Variants in BIRC6 observed in about 807,000 individuals in gnomAD.
BIRC6 encodes baculoviral IAP repeat containing 6, also known as dual E2 ubiquitin-conjugating enzyme/E3 ubiquitin-protein ligase BIRC6.
BIRC6 carries 98 observed loss-of-function variants against 503.3 expected under a neutral mutation model. That is an observed-to-expected ratio of 0.19 (90% CI 0.17 to 0.23). The LOEUF is 0.23. Among genes scored for constraint, BIRC6 ranks in the 10% least tolerant of loss-of-function variants. The pLI is 1.00. For synonymous variants in BIRC6, 2,240 were observed against 2,078.7 expected (o/e 1.08, Z -2.11); for missense variants, 5,360 against 5,806.0 (o/e 0.92, Z 2.50).
rs1462254676 is a variant in BIRC6, at chr2:32,471,074, A to G, written c.6542A>G (p.Tyr2181Cys). 5.7e-6 allele frequency: 9 copies of G among 1,583,702 alleles called. No homozygotes were observed. The highest frequency in any genetic ancestry group is 7.7e-6 in the Non-Finnish European group (9 of 1,162,960). Residue 2181 changes from tyrosine to cysteine, a missense_variant, in exon 32 of 74, where the codon TAT becomes TGT. By Grantham distance (194) the Tyr-to-Cys change is radical. Coordinates refer to ENST00000421745, the MANE Select transcript of BIRC6 (RefSeq NM_016252.4). ...VVMLVSRLLDYVATVEDEAAA... is the reference protein window; with the variant it reads ...VVMLVSRLLDCVATVEDEAAA... ...ATGCTGGTGTCCAGGTTGCTGGATT[A>G]TGTGGCAACTGTTGAAGATGAAGCA...
chr2:32,438,714 C>T (rs1261804265), intron 15 of BIRC6, among the ~76,000 whole-genome samples: 2 of 151,670 alleles, frequency 1.3e-5, no homozygotes, highest in African/African-American at 4.9e-5. Flanking sequence ...CGCCCGCCAC[C>T]ACGCCCCACT....
chr2:32,452,178 T>C (rs984828984), intron 22 of BIRC6, among the ~76,000 whole-genome samples: 3 of 152,184 alleles, frequency 2.0e-5, no homozygotes, highest in African/African-American at 7.2e-5. Flanking sequence ...CACCCACTTC[T>C]GCTAAAACAA....
chr2:32,399,790 A>G (rs929894279), intron 6 of BIRC6, among the ~76,000 whole-genome samples: 1 of 151,274 alleles, frequency 6.6e-6, no homozygotes, highest in Non-Finnish European at 1.5e-5. Context: ...TAAATTTTTA[A>G]ATTTTTTATT....
At chr2:32,463,892 A>T (rs1475303557) in intron 24 of BIRC6, among the ~76,000 whole-genome samples, 1 of 152,152 alleles carries the variant, frequency 6.6e-6, no homozygotes, top group Non-Finnish European at 1.5e-5. Flanking sequence ...GCACCACCTG[A>T]GCTCCATCTC....
At chr2:32,518,990 G>A in intron 57 of BIRC6, 44 bp downstream of exon 57, 5 of 1,552,798 alleles carry the variant, frequency 3.2e-6, no homozygotes, top group Non-Finnish European at 4.4e-6. Context: ...CTTTATGTTT[G>A]ATGTATATGG....
At chr2:32,570,292 T>C (rs1463222066) in intron 65 of BIRC6, among the ~76,000 whole-genome samples, 2 of 152,142 alleles carry the variant, frequency 1.3e-5, no homozygotes, top group East Asian at 1.9e-4. Flanking sequence ...TTTTTTGTTG[T>C]TTATTTTTTA....
In BIRC6 at chr2:32,357,635, T is replaced by G. The variant is rs1573592919; in HGVS notation, c.325+149T>G. ...CCGTGAAGGGAGGCCCGGAAGCTGATGGAGGGGGACCTTAGGACTTGGCTT... is the reference window on the plus strand; with the variant it reads ...CCGTGAAGGGAGGCCCGGAAGCTGAGGGAGGGGGACCTTAGGACTTGGCTT... On this transcript the variant is annotated intron_variant, in intron 1 of 73. Coordinates refer to ENST00000421745, the MANE Select transcript of BIRC6 (RefSeq NM_016252.4). This position sits in a 1 kb window ranked among gnomAD's most constrained non-coding sequence, Gnocchi z 4.9. 2.2e-6 allele frequency: 3 copies of G among 1,381,334 alleles called. No homozygotes were observed. Among genetic ancestry groups the G allele is most frequent in the Admixed American group, 6.1e-5 (2 of 32,980 alleles). 85.6% of individuals were successfully genotyped at this position (1,381,334 alleles called of 1,614,324 possible). A position where few individuals can be genotyped will look rare whatever the true frequency, so the allele number is the denominator to read the frequency against.
At chr2:32,524,766 C>A in intron 57 of BIRC6, 122 bp from the exon 58 acceptor site, 1 of 670,570 alleles carries the variant, frequency 1.5e-6, no homozygotes, top group Non-Finnish European at 2.2e-6. Flanking sequence ...CTCCTAAATT[C>A]CTTTATATTG....
chr2:32,502,526 A>G (rs1013149006), intron 47 of BIRC6, among the ~76,000 whole-genome samples: 4 of 152,182 alleles, frequency 2.6e-5, no homozygotes, highest in African/African-American at 4.8e-5. Flanking sequence ...AAATGGTTCA[A>G]ATTTTAAATG....
intron 22 of BIRC6, chr2:32,449,306 A>G (rs62136301): frequency 0.18 from 29,018 of 159,586 alleles, 2,783 homozygotes; most frequent in Admixed American, 0.26. Flanking sequence ...TCAAAAATAC[A>G]AAATTAGTAA....
At chr2:32,438,725 A>C (rs2045044972) in intron 15 of BIRC6, among the ~76,000 whole-genome samples, 1 of 150,974 alleles carries the variant, frequency 6.6e-6, no homozygotes. Context: ...ACGCCCCACT[A>C]ATTTTTTTTT....
At chr2:32,490,298 A>T in intron 43 of BIRC6, 147 bp downstream of exon 43, 1 of 657,898 alleles carries the variant, frequency 1.5e-6, no homozygotes. Context: ...CTGTAAACCC[A>T]GCACTTTGGG....
At chr2:32,541,889 A>G (rs1481817227) in intron 61 of BIRC6, among the ~76,000 whole-genome samples, 3 of 152,144 alleles carry the variant, frequency 2.0e-5, no homozygotes, top group Non-Finnish European at 4.4e-5. Context: ...ACTCTGTACT[A>G]TAAACTGCAA....
At position 32,465,055 on chromosome 2, in the gene BIRC6, C is replaced by A; in HGVS notation, c.5257-10C>A. ...TATAAAGTTAGATTTTTTTTTTTTC[C>A]CTGCTCTAGAATCCACTTGGTTCTG... is the stretch of plus-strand genomic sequence containing the variant. On this transcript the variant is annotated splice_polypyrimidine_tract_variant and intron_variant, in intron 25 of 73. Transcript: ENST00000421745. The A allele has an allele frequency of 6.6e-7, 1 of 1,525,016 alleles. No individual in the cohort carries two copies. The highest frequency in any genetic ancestry group is 8.9e-7 in the Non-Finnish European group (1 of 1,125,966). 94.5% of individuals were successfully genotyped at this position (1,525,016 alleles called of 1,614,324 possible). A position where few individuals can be genotyped will look rare whatever the true frequency, so the allele number is the denominator to read the frequency against.
Position 32,499,617 on chromosome 2 carries a change from A to G in BIRC6, c.8539A>G (p.Asn2847Asp), listed in dbSNP as rs200206797. 4.3e-5 allele frequency: 70 copies of G among 1,613,778 alleles called. No individual in the cohort carries two copies. Among genetic ancestry groups the G allele is most frequent in the Non-Finnish European group, 9.3e-6 (11 of 1,179,872 alleles). Residue 2847 changes from asparagine to aspartate, a missense_variant, in exon 46 of 74, where the codon AAT (asparagine) becomes GAT (aspartate). Around this residue, in one of 16 missense-constraint regions of BIRC6, gnomAD observed 2,299 missense variants for 2,267.2 expected, o/e 1.01. Coordinates refer to ENST00000421745, the MANE Select transcript of BIRC6 (RefSeq NM_016252.4). Reference protein sequence around the residue: ...VKLLEFTLEQNFEVVSVSTIS... With the variant: ...VKLLEFTLEQDFEVVSVSTIS... ...GCTCTTAGAATTCACTCTGGAGCAG[A>G]ATTTTGAAGTCGTTTCAGTTAGTAC...
At chr2:32,476,851 A>T (rs537666330) in intron 34 of BIRC6, among the ~76,000 whole-genome samples, 1 of 152,310 alleles carries the variant, frequency 6.6e-6, no homozygotes, top group African/African-American at 2.4e-5. Context: ...GTGAAAGTGA[A>T]GTTCAACTGA....
chr2:32,471,151 G>C, intron 32 of BIRC6, 27 bp downstream of exon 32: 1 of 1,550,076 alleles, frequency 6.5e-7, no homozygotes, highest in South Asian at 1.2e-5. Flanking sequence ...GTTTCTGACA[G>C]GTATCAGAAG....
At chr2:32,396,057 C>A (rs1251138361) in intron 6 of BIRC6, among the ~76,000 whole-genome samples, 1 of 152,094 alleles carries the variant, frequency 6.6e-6, no homozygotes, top group African/African-American at 2.4e-5. Context: ...ATTGAAACTT[C>A]ATTTTTACAA....
At chr2:32,369,990 G>A (rs866999992) in intron 1 of BIRC6, among the ~76,000 whole-genome samples, 86 of 85,608 alleles carry the variant, frequency 1.0e-3, no homozygotes, top group Non-Finnish European at 1.3e-3. Flanking sequence ...ATATATGTAT[G>A]TATGTATGTG....
Sources: gnomAD v4.1 joint callset for allele counts (sites outside exome capture counted in the v4.1 genomes callset) on GRCh38, gnomAD v4.1.1 for gene constraint, gnomAD v4.1.1 regional missense constraint, Gnocchi (gnomAD v3.1) non-coding constraint, MANE v1.5 for transcripts, NCBI Gene and HGNC (gene_info 2026-07-23, HGNC 2026-07-21) for gene names.